Variants in POU3F3 observed in about 807,000 individuals in gnomAD.
POU3F3 encodes the protein POU class 3 homeobox 3.
POU3F3 carries 1 observed loss-of-function variant against 8.6 expected under a neutral mutation model. The ratio of observed to expected loss-of-function variants is 0.12; its 90% CI spans 0.04 to 0.55. The LOEUF (loss-of-function observed/expected upper bound fraction) is 0.55, where lower values mean the gene tolerates loss of function less well. Ranked by LOEUF, POU3F3 falls within the 20% of genes least tolerant of loss-of-function variation. The pLI is 0.91. For missense variants in POU3F3, 577 were observed against 690.7 expected, an observed-to-expected ratio of 0.84 and a Z score of 1.84; for synonymous variants, 418 against 327.4, an observed-to-expected ratio of 1.28 and a Z score of -2.99.
At chr2:104,872,381 C>T in the POU3F3 span, 3 of 455,942 alleles carry the variant, frequency 6.6e-6, no homozygotes, top group Admixed American at 2.4e-5. This position sits in a 1 kb window ranked among gnomAD's most constrained non-coding sequence, Gnocchi z 4.6. Context: ...CCGCTTCTTG[C>T]AGAAAACCGG....
the POU3F3 span, among the ~76,000 whole-genome samples, chr2:104,865,065 T>C: frequency 6.6e-6 from 1 of 152,238 alleles, no homozygotes; most frequent in South Asian, 2.1e-4. Flanking sequence ...TCTGTGGAAA[T>C]GTCCCCACCG....
chr2:104,875,511 T>G, the POU3F3 span, among the ~76,000 whole-genome samples: 2 of 152,236 alleles, frequency 1.3e-5, no homozygotes, highest in Non-Finnish European at 2.9e-5. Context: ...ACTTGTTATT[T>G]TTTGTTTCTT....
the POU3F3 span, among the ~76,000 whole-genome samples, chr2:104,869,583 A>G: frequency 6.6e-6 from 1 of 152,292 alleles, no homozygotes; most frequent in South Asian, 2.1e-4. Context: ...GCACTTTGGG[A>G]GAGCTCTGGA....
the POU3F3 span, among the ~76,000 whole-genome samples, chr2:104,917,593 G>C: frequency 2.6e-5 from 4 of 152,216 alleles, no homozygotes; most frequent in East Asian, 7.7e-4. Context: ...AGTGGGCACA[G>C]TCTGTGTAAA....
chr2:104,860,910 A>G (rs1218190765), downstream of POU3F3, among the ~76,000 whole-genome samples: 1 of 151,764 alleles, frequency 6.6e-6, no homozygotes, highest in African/African-American at 2.4e-5. Context: ...TTTTGTATGA[A>G]TGGTTTTGAA....
chr2:104,859,580 A>G (rs1340661093), downstream of POU3F3, among the ~76,000 whole-genome samples: 1 of 152,186 alleles, frequency 6.6e-6, no homozygotes, highest in Admixed American at 6.5e-5. Flanking sequence ...ATATCAATGC[A>G]GGGGTTAAAA....
the POU3F3 span, among the ~76,000 whole-genome samples, chr2:104,878,464 C>T: frequency 6.6e-6 from 1 of 152,184 alleles, no homozygotes; most frequent in African/African-American, 2.4e-5. Flanking sequence ...TTAAATCGAA[C>T]TACTTTCAAC....
chr2:104,887,341 C>T, the POU3F3 span, among the ~76,000 whole-genome samples: 2 of 152,340 alleles, frequency 1.3e-5, no homozygotes, highest in Non-Finnish European at 2.9e-5. Flanking sequence ...CCTCATTTTA[C>T]CCAGCCCCTA....
the POU3F3 span, among the ~76,000 whole-genome samples, chr2:104,903,666 C>T: frequency 2.6e-5 from 4 of 152,162 alleles, no homozygotes; most frequent in Non-Finnish European, 4.4e-5. Flanking sequence ...ATGTGTCTGG[C>T]GCCTAAACGT....
At chr2:104,890,811 T>A in the POU3F3 span, among the ~76,000 whole-genome samples, 1 of 152,184 alleles carries the variant, frequency 6.6e-6, no homozygotes, top group African/African-American at 2.4e-5. Context: ...CATGGGTGCA[T>A]GTTCATCACG....
At chr2:104,877,511 C>A in the POU3F3 span, among the ~76,000 whole-genome samples, 2 of 152,132 alleles carry the variant, frequency 1.3e-5, no homozygotes, top group Admixed American at 6.5e-5. Context: ...CCCATATTTA[C>A]ACAGCTCCAT....
chr2:104,923,575 A>C, the POU3F3 span, among the ~76,000 whole-genome samples: 2 of 152,158 alleles, frequency 1.3e-5, no homozygotes, highest in South Asian at 4.1e-4. Flanking sequence ...ATTTTACTAC[A>C]AAAAAATCAA....
chr2:104,916,630 C>T, the POU3F3 span, among the ~76,000 whole-genome samples: 1 of 152,172 alleles, frequency 6.6e-6, no homozygotes, highest in East Asian at 1.9e-4. Context: ...ATAGAAGCCA[C>T]AACCTTTTCC....
the POU3F3 span, chr2:104,867,274 T>C: frequency 6.6e-6 from 1 of 152,186 alleles, no homozygotes; most frequent in East Asian, 1.9e-4. The surrounding 1 kb of genome is among the most constrained non-coding windows in gnomAD (Gnocchi z 5.0). Flanking sequence ...AAGAGGGCAG[T>C]TGATCCTGGG....
At chr2:104,894,036 G>A in the POU3F3 span, among the ~76,000 whole-genome samples, 90 of 152,290 alleles carry the variant, frequency 5.9e-4, no homozygotes, top group African/African-American at 6.5e-4. Context: ...AGGATGAGCC[G>A]ATGGGCTCCA....
At chr2:104,863,159 A>AATTATT (rs3056838), downstream of POU3F3, among the ~76,000 whole-genome samples, 2,103 of 134,802 alleles carry the variant, frequency 0.016, 20 homozygotes, top group East Asian at 0.03. Flanking sequence ...TCATAATAAC[A>AATTATT]ATTATTATTA....
chr2:104,913,235 G>C, the POU3F3 span, among the ~76,000 whole-genome samples: 1 of 151,778 alleles, frequency 6.6e-6, no homozygotes, highest in Non-Finnish European at 1.5e-5. Flanking sequence ...GCTTCTTGCA[G>C]TAACACACAC....
chr2:104,915,497 C>T, the POU3F3 span, among the ~76,000 whole-genome samples: 3 of 152,156 alleles, frequency 2.0e-5, no homozygotes, highest in Non-Finnish European at 2.9e-5. Flanking sequence ...AAAAAAGAAT[C>T]GTGGAGACCC....
chr2:104,861,943 C>G (rs1167889067), downstream of POU3F3, among the ~76,000 whole-genome samples: 1 of 152,192 alleles, frequency 6.6e-6, no homozygotes, highest in African/African-American at 2.4e-5. Context: ...TCTGCGTTTG[C>G]ATCCTGAACT....
Sources: gnomAD v4.1 joint callset for allele counts (sites outside exome capture counted in the v4.1 genomes callset) on GRCh38, gnomAD v4.1.1 for gene constraint, Gnocchi (gnomAD v3.1) non-coding constraint, MANE v1.5 for transcripts, NCBI Gene and HGNC (gene_info 2026-07-23, HGNC 2026-07-21) for gene names.